CDCA7: variants seen among roughly 807,000 people sequenced by gnomAD.
The protein encoded by CDCA7 is cell division cycle-associated protein 7.
In CDCA7, 28 loss-of-function variants were observed where a neutral mutation model predicts 54.0. The ratio of observed to expected loss-of-function variants is 0.52; its 90% CI spans 0.38 to 0.71. CDCA7 has a LOEUF of 0.71. Ranked by LOEUF, CDCA7 falls within the 30% of genes least tolerant of loss-of-function variation. CDCA7 has a pLI of 0.00. For missense variants in CDCA7, 484 were observed against 586.0 expected, an observed-to-expected ratio of 0.83 and a Z score of 1.80; for synonymous variants, 180 against 208.2, an observed-to-expected ratio of 0.86 and a Z score of 1.16.
In CDCA7 at chr2:173,354,926, C is replaced by G. The variant is rs781098552; in HGVS notation, c.-38C>G. On this transcript the variant is annotated 5_prime_UTR_variant, in exon 1 of 10. Transcript: ENST00000306721. Reference sequence around the variant, plus strand: ...GCTGACCGCGCGGCTGCTCCGCTCTCCCCGCTCCAAGCGCCGATCTGGGCA... The same window carrying G: ...GCTGACCGCGCGGCTGCTCCGCTCTGCCCGCTCCAAGCGCCGATCTGGGCA... 2.7e-6 allele frequency: 4 copies of G among 1,479,436 alleles called. No individual in the cohort carries two copies. In the South Asian group the frequency reaches 5.1e-5, roughly 19 times the overall value. The allele number at this position is 1,479,436 out of a possible 1,614,324, so 91.6% of individuals were successfully genotyped here.
At chr2:173,365,684 T>A in intron 7 of CDCA7, 92 bp downstream of exon 7, 1 of 1,396,870 alleles carries the variant, frequency 7.2e-7, no homozygotes, top group Non-Finnish European at 9.7e-7. Context: ...CTAAAGGGCC[T>A]AGCATGTGAA....
chr2:173,358,666 A>C, intron 1 of CDCA7, 46 bp from the exon 2 acceptor site: 1 of 1,587,570 alleles, frequency 6.3e-7, no homozygotes, highest in Non-Finnish European at 8.6e-7. Context: ...CTTTAGTTAA[A>C]TAAAGTAAGC....
chr2:173,365,068 G>A lies in CDCA7; in HGVS notation c.894+79G>A, dbSNP rs893880946. On this transcript the variant is annotated intron_variant, in intron 6 of 9. Transcript: ENST00000306721. ...GGCATCATACACAGCACAGGTACAC[G>A]CACATCCTTAACACCAGGCGATCCA... 9.6e-6 allele frequency: 14 copies of A among 1,463,500 alleles called. No individual in the cohort carries two copies. In the Middle Eastern group the frequency reaches 5.4e-4, roughly 57 times the overall value. The allele number at this position is 1,463,500 out of a possible 1,614,324, so 90.7% of individuals were successfully genotyped here. A position where few individuals can be genotyped will look rare whatever the true frequency, so the allele number is the denominator to read the frequency against.
Position 173,367,301 on chromosome 2 carries a change from T to C in CDCA7, c.1322+15T>C. ...TACTTGAAAAGGTAGTGGGTGTTTT[T>C]TTTTCCCTTCCACATCTGAATTTTA... On this transcript the variant is annotated intron_variant, in intron 9 of 9. Transcript: ENST00000306721. The C allele has an allele frequency of 6.2e-7, 1 of 1,614,096 alleles. No homozygotes were observed. Among genetic ancestry groups the C allele is most frequent in the East Asian group, 2.2e-5 (1 of 44,878 alleles).
intron 3 of CDCA7, among the ~76,000 whole-genome samples, chr2:173,361,829 A>G (rs1686628017): frequency 6.6e-6 from 1 of 150,492 alleles, no homozygotes; most frequent in South Asian, 2.1e-4. Context: ...TTTTTCGGAG[A>G]CGGAGTCTTG....
At position 173,354,877 on chromosome 2, in the gene CDCA7, T is replaced by C. The variant is rs975921079; in HGVS notation, c.-87T>C. 16 of 1,305,750 alleles carry C rather than the reference T, an allele frequency of 1.2e-5. No individual in the cohort carries two copies. In the African/African-American group the frequency reaches 2.4e-4, roughly 20 times the overall value. 80.9% of individuals were successfully genotyped at this position (1,305,750 alleles called of 1,614,324 possible). Reference sequence around the variant, plus strand: ...GCGCCCAGCCTGCCAGCCGCGCTGCTGCTGCTCCTCCTGCTGTGGGACCGC... The same window carrying C: ...GCGCCCAGCCTGCCAGCCGCGCTGCCGCTGCTCCTCCTGCTGTGGGACCGC... On this transcript the variant is annotated 5_prime_UTR_variant, in exon 1 of 10. Transcript: ENST00000306721.
intron 3 of CDCA7, 34 bp downstream of exon 3, chr2:173,359,525 A>G: frequency 1.9e-6 from 3 of 1,569,400 alleles, no homozygotes; most frequent in Non-Finnish European, 2.6e-6. Context: ...TTCAAGAAGT[A>G]AGATACATTT....
At chr2:173,367,038 C>G (rs1686736459) in intron 8 of CDCA7, 112 bp from the exon 9 acceptor site, 14 of 1,402,838 alleles carry the variant, frequency 1.0e-5, no homozygotes, top group Non-Finnish European at 1.4e-5. Flanking sequence ...TGACTAATGC[C>G]TATTAATCAT....
chr2:173,363,332 C>A lies in CDCA7; in HGVS notation c.491C>A (p.Thr164Asn). 6.2e-7 allele frequency: 1 copy of A among 1,614,072 alleles called. No individual in the cohort carries two copies. Among genetic ancestry groups the A allele is most frequent in the African/African-American group, 1.3e-5 (1 of 74,992 alleles). ...CCAGCGCGGAGTACCAGGGGAGCAA[C>A]CAACAAAAAAGCAGAGTCCCGCCAG... Reference protein sequence around the residue: ...KFPARSTRGATNKKAESRQPS... With the variant: ...KFPARSTRGANNKKAESRQPS... Residue 164 changes from threonine to asparagine, a missense_variant, in exon 4 of 10, where the codon ACC (threonine) becomes AAC (asparagine). Thr to Asn is a moderately conservative substitution (Grantham distance 65). Transcript: ENST00000306721.
chr2:173,364,511 T>G, intron 5 of CDCA7: 1 of 255,642 alleles, frequency 3.9e-6, no homozygotes, highest in Non-Finnish European at 7.2e-6. Flanking sequence ...AGAAAATTTT[T>G]TTTTTTAGAA....
At chr2:173,361,271 T>G (rs1334564428) in intron 3 of CDCA7, among the ~76,000 whole-genome samples, 1 of 152,170 alleles carries the variant, frequency 6.6e-6, no homozygotes, top group African/African-American at 2.4e-5. Flanking sequence ...CAAGTTTTTG[T>G]GTAGTTTTTG....
At chr2:173,359,161 T>A (rs1686570131) in intron 2 of CDCA7, 94 bp from the exon 3 acceptor site, 2 of 1,015,662 alleles carry the variant, frequency 2.0e-6, no homozygotes, top group Non-Finnish European at 2.9e-6. Flanking sequence ...GTAGTGCACT[T>A]GTAAATGTGA....
chr2:173,358,895 T>C, intron 2 of CDCA7, 58 bp downstream of exon 2: 8 of 1,574,392 alleles, frequency 5.1e-6, no homozygotes, highest in Non-Finnish European at 6.0e-6. Context: ...ATGCCCCAGA[T>C]GCTTTGTGCG....
rs1446306534 is a variant in CDCA7 at position 173,366,052 on chromosome 2, T to C, written c.1036-231T>C. Among the ~76,000 whole-genome samples the C allele has an allele frequency of 1.2e-4, 18 of 152,156 alleles. No individual in the cohort carries two copies. The highest frequency in any genetic ancestry group is 1.2e-3 in the Admixed American group (18 of 15,266). The stretch of plus-strand genomic sequence containing the variant: ...ATTGCCCAGGCTGGTCTTGAACTCC[T>C]TGGCTCAAGCGATCCACTCTCCTCA... On this transcript the variant is annotated intron_variant, in intron 7 of 9. Coordinates refer to ENST00000306721, the MANE Select transcript of CDCA7 (RefSeq NM_031942.5). The surrounding 1 kb of genome is among the most constrained non-coding windows in gnomAD (Gnocchi z 4.5).
intron 1 of CDCA7, chr2:173,358,406 T>G: frequency 5.2e-6 from 1 of 191,630 alleles, no homozygotes; most frequent in Non-Finnish European, 1.1e-5. Context: ...GGCACATGCA[T>G]GTAGTCCTGT....
rs1024902282 is a variant in CDCA7 at position 173,357,611 on chromosome 2, A to C, written c.22-1101A>C. ...GTTTGTGAAATTAGCATCACAGTAC[A>C]TAGCCCAAAGCTTACATAAAAATAC... On this transcript the variant is annotated intron_variant, in intron 1 of 9. Transcript: ENST00000306721. 4.4e-4 allele frequency among the ~76,000 whole-genome samples: 67 copies of C among 152,246 alleles called. 1 individual carries two copies. The highest frequency in any genetic ancestry group is 1.6e-3 in the African/African-American group (65 of 41,466).
chr2:173,359,128 T>G, intron 2 of CDCA7, 127 bp from the exon 3 acceptor site: 1 of 822,514 alleles, frequency 1.2e-6, no homozygotes, highest in East Asian at 2.6e-5. Context: ...ACCATTTTTC[T>G]TTGTAACAAA....
At chr2:173,363,512 C>A in intron 4 of CDCA7, 50 bp downstream of exon 4, 1 of 1,520,910 alleles carries the variant, frequency 6.6e-7, no homozygotes, top group Non-Finnish European at 9.1e-7. Context: ...CTAAGCGACT[C>A]ATTACTTAAA....
Position 173,367,638 on chromosome 2 carries a change from A to T in CDCA7, c.1327A>T (p.Lys443Ter), listed in dbSNP as rs1225550236. 1 of 1,614,212 alleles carries T rather than the reference A, an allele frequency of 6.2e-7. No individual in the cohort carries two copies. The highest frequency in any genetic ancestry group is 8.5e-7 in the Non-Finnish European group (1 of 1,180,026). ...ATTTCCTTTTGTTTTTCACAGCCTG[A>T]AACAGGAATTTGAAATGCAAGCATA... is the stretch of plus-strand genomic sequence containing the variant. ...GNVHAYLKSL[K>*]QEFEMQA The change falls in exon 10 of 10, where the codon AAA becomes TAA. Residue 443 changes from lysine to a stop codon, truncating the protein, a stop_gained. Coordinates refer to ENST00000306721, the MANE Select transcript of CDCA7 (RefSeq NM_031942.5). LOFTEE classifies it high-confidence loss of function.
Sources: allele counts gnomAD v4.1 joint callset (sites outside exome capture counted in the v4.1 genomes callset), GRCh38; gene constraint gnomAD v4.1.1; non-coding constraint Gnocchi (gnomAD v3.1); transcripts MANE v1.5; gene names NCBI Gene and HGNC (gene_info 2026-07-23, HGNC 2026-07-21).